ERC1: variants seen among roughly 807,000 people sequenced by gnomAD.
ERC1 encodes the protein RAB6 interacting protein 2.
A neutral mutation model predicts 132.0 loss-of-function variants in ERC1; 56 were observed. That is an observed-to-expected ratio of 0.42 (90% CI 0.34 to 0.53). The LOEUF (loss-of-function observed/expected upper bound fraction) is 0.53. ERC1 is among the 20% of genes least tolerant of loss of function. ERC1 has a pLI of 0.03. For synonymous variants in ERC1, 478 were observed against 476.1 expected (o/e 1.00, Z -0.05); for missense variants, 1,202 against 1,349.9 (o/e 0.89, Z 1.72).
At chr12:1,401,671 C>G (rs1037970207) in intron 16 of ERC1, among the ~76,000 whole-genome samples, 16 of 150,352 alleles carry the variant, frequency 1.1e-4, no homozygotes, top group African/African-American at 3.7e-4. Flanking sequence ...TTACCTAAAG[C>G]TCTCAGAATA....
intron 12 of ERC1, among the ~76,000 whole-genome samples, chr12:1,228,230 A>T (rs866267160): frequency 6.6e-6 from 1 of 152,214 alleles, no homozygotes; most frequent in Non-Finnish European, 1.5e-5. Context: ...TGCTTTGAGT[A>T]GTATGGACAT....
chr12:1,046,930 G>A (rs1038396780), intron 2 of ERC1, among the ~76,000 whole-genome samples: 2 of 152,172 alleles, frequency 1.3e-5, no homozygotes, highest in African/African-American at 4.8e-5. Flanking sequence ...CACATTTGCC[G>A]TAGTTGTTTT....
intron 15 of ERC1, among the ~76,000 whole-genome samples, chr12:1,356,849 T>C (rs1057208570): frequency 7.9e-5 from 12 of 152,188 alleles, no homozygotes; most frequent in Non-Finnish European, 1.6e-4. Context: ...CAAACCTGTG[T>C]AGGAGAAAAG....
chr12:1,468,834 A>G (rs923082193), intron 18 of ERC1, among the ~76,000 whole-genome samples: 2 of 152,232 alleles, frequency 1.3e-5, no homozygotes, highest in African/African-American at 4.8e-5. Context: ...AGAGAGGCTC[A>G]AGATGGTAAA....
chr12:1,370,490 T>C (rs1383825384), intron 15 of ERC1, among the ~76,000 whole-genome samples: 1 of 152,266 alleles, frequency 6.6e-6, no homozygotes, highest in African/African-American at 2.4e-5. Context: ...CAGTTTGTTG[T>C]ACACTGTATG....
chr12:1,286,012 G>T (rs1369207801), intron 14 of ERC1, among the ~76,000 whole-genome samples: 1 of 152,176 alleles, frequency 6.6e-6, no homozygotes, highest in Non-Finnish European at 1.5e-5. Context: ...TCCTGGCTAG[G>T]CGTGGTTAAT....
intron 17 of ERC1, among the ~76,000 whole-genome samples, chr12:1,440,458 G>T (rs1284580094): frequency 6.7e-6 from 1 of 148,852 alleles, no homozygotes; most frequent in East Asian, 2.0e-4. Flanking sequence ...TGCCCTCCTT[G>T]GCCTCCCAAA....
At chr12:1,093,667 A>G (rs1214337851) in intron 3 of ERC1, among the ~76,000 whole-genome samples, 2 of 152,022 alleles carry the variant, frequency 1.3e-5, no homozygotes, top group Non-Finnish European at 2.9e-5. Flanking sequence ...CTGTATTTTA[A>G]TCAACAAACC....
rs139801917 is a variant in ERC1 at position 1,375,168 on chromosome 12, G to T, written c.2925+3191G>T. The stretch of plus-strand genomic sequence containing the variant: ...AGACTGGGTAATGTAAAGACAAGAG[G>T]TTTAGCTGACTCACAGATCCACATG... On this transcript the variant is annotated intron_variant, in intron 16 of 18. Coordinates refer to ENST00000360905, the MANE Select transcript of ERC1 (RefSeq NM_178040.4). Among the ~76,000 whole-genome samples, 87 of 152,266 alleles carry T rather than the reference G, an allele frequency of 5.7e-4. No individual in the cohort carries two copies. The East Asian group carries it at 0.017, about 29-fold the overall frequency.
At chr12:1,078,715 G>T (rs1335358538) in intron 2 of ERC1, among the ~76,000 whole-genome samples, 1 of 152,076 alleles carries the variant, frequency 6.6e-6, no homozygotes, top group South Asian at 2.1e-4. Context: ...TCTTAAAATG[G>T]ATTAAGAAAA....
intron 1 of ERC1, among the ~76,000 whole-genome samples, chr12:999,609 A>ATTT (rs10661786): frequency 0.24 from 24,165 of 102,638 alleles, 4,969 homozygotes; most frequent in African/African-American, 0.48. Flanking sequence ...GTGCTAGGTG[A>ATTT]TTTTTTTTTT....
intron 13 of ERC1, among the ~76,000 whole-genome samples, chr12:1,242,907 G>A (rs191469108): frequency 1.3e-4 from 20 of 152,308 alleles, no homozygotes; most frequent in Admixed American, 2.6e-4. Context: ...AGAAATCGAG[G>A]CCGGGCGCGG....
At chr12:1,445,935 G>A (rs1032112355) in intron 18 of ERC1, among the ~76,000 whole-genome samples, 1 of 152,136 alleles carries the variant, frequency 6.6e-6, no homozygotes, top group Admixed American at 6.5e-5. Context: ...CTGTTCTGGA[G>A]GCTGGAAGTC....
At chr12:1,249,573 G>A (rs1294428678) in intron 13 of ERC1, among the ~76,000 whole-genome samples, 1 of 152,084 alleles carries the variant, frequency 6.6e-6, no homozygotes, top group Non-Finnish European at 1.5e-5. Context: ...CTTGAGCTTG[G>A]GGACCATGTC....
chr12:1,021,227 C>T (rs1455452401), intron 1 of ERC1, among the ~76,000 whole-genome samples: 2 of 152,094 alleles, frequency 1.3e-5, no homozygotes, highest in Non-Finnish European at 2.9e-5. Context: ...AGGCATGAGC[C>T]ACTGCATCCA....
intron 14 of ERC1, among the ~76,000 whole-genome samples, chr12:1,263,998 A>G (rs1368237934): frequency 6.6e-6 from 1 of 152,192 alleles, no homozygotes; most frequent in African/African-American, 2.4e-5. Flanking sequence ...CCAAAAAAAA[A>G]AAGATACAAA....
chr12:1,400,972 A>G lies in ERC1; in HGVS notation c.2926-7177A>G, dbSNP rs1398723723. On this transcript the variant is annotated intron_variant, in intron 16 of 18. Transcript: ENST00000360905. ...TTTTTTTGTGACGGAGTCTTGCTCT[A>G]TCGCCCAGGCTGGAGTGCAGTGGCG... is the stretch of plus-strand genomic sequence containing the variant. 5.3e-4 allele frequency among the ~76,000 whole-genome samples: 53 copies of G among 99,638 alleles called. 1 individual carries two copies. Among genetic ancestry groups the G allele is most frequent in the African/African-American group, 1.2e-3 (31 of 25,598 alleles). The allele number at this position is 99,638 out of a possible 152,430, so 65.4% of individuals were successfully genotyped here. A position where few individuals can be genotyped will look rare whatever the true frequency, so the allele number is the denominator to read the frequency against.
At chr12:1,394,264 G>A (rs993067736) in intron 16 of ERC1, among the ~76,000 whole-genome samples, 2 of 151,504 alleles carry the variant, frequency 1.3e-5, no homozygotes, top group South Asian at 2.1e-4. Flanking sequence ...GCCAGGCGTG[G>A]TGGCGGGCTC....
chr12:1,067,044 G>A (rs956855853), intron 2 of ERC1, among the ~76,000 whole-genome samples: 2 of 152,146 alleles, frequency 1.3e-5, no homozygotes, highest in East Asian at 3.8e-4. Context: ...TTGGGCTCAA[G>A]CAATCTGCCT....
Sources: gnomAD v4.1 joint callset for allele counts (sites outside exome capture counted in the v4.1 genomes callset) on GRCh38, gnomAD v4.1.1 for gene constraint, MANE v1.5 for transcripts, NCBI Gene and HGNC (gene_info 2026-07-23, HGNC 2026-07-21) for gene names.